Variants in RPSA2 observed in about 807,000 individuals in gnomAD.
RPSA2 encodes the protein small ribosomal subunit protein uS2B.
At chr19:23,786,426 C>T in the RPSA2 span, among the ~76,000 whole-genome samples, 1 of 152,048 alleles carries the variant, frequency 6.6e-6, no homozygotes, top group Non-Finnish European at 1.5e-5. Context: ...TCCAGCACCT[C>T]GGTGATTTGA....
At chr19:23,867,564 C>T in the RPSA2 span, among the ~76,000 whole-genome samples, 3 of 152,138 alleles carry the variant, frequency 2.0e-5, no homozygotes, top group Non-Finnish European at 4.4e-5. Context: ...GGTGCGGTGG[C>T]TCACGCCTGT....
At chr19:23,774,929 T>C in the RPSA2 span, among the ~76,000 whole-genome samples, 1 of 152,312 alleles carries the variant, frequency 6.6e-6, no homozygotes, top group South Asian at 2.1e-4. Context: ...TCCTGCTCAC[T>C]CCCTATCCAC....
At chr19:23,810,743 G>C in the RPSA2 span, among the ~76,000 whole-genome samples, 2 of 152,150 alleles carry the variant, frequency 1.3e-5, no homozygotes, top group Non-Finnish European at 2.9e-5. Flanking sequence ...AGCTATAAAT[G>C]GGTGTCTTCC....
chr19:23,842,638 T>A, the RPSA2 span: 1 of 153,548 alleles, frequency 6.5e-6, no homozygotes, highest in African/African-American at 2.4e-5. Context: ...TGTATAGAGA[T>A]GTAATGTTAG....
At chr19:23,844,427 TGTA>T in the RPSA2 span, among the ~76,000 whole-genome samples, 2 of 152,130 alleles carry the variant, frequency 1.3e-5, no homozygotes, top group African/African-American at 4.8e-5. Flanking sequence ...TGAATCAAAT[TGTA>T]GTTCTATTTT....
chr19:23,826,523 A>C, the RPSA2 span, among the ~76,000 whole-genome samples: 1 of 151,924 alleles, frequency 6.6e-6, no homozygotes, highest in Non-Finnish European at 1.5e-5. Flanking sequence ...GCGTTTTGCA[A>C]ACACCACTCT....
the RPSA2 span, among the ~76,000 whole-genome samples, chr19:23,841,216 A>G: frequency 3.4e-4 from 52 of 151,930 alleles, no homozygotes; most frequent in Non-Finnish European, 4.9e-4. Flanking sequence ...AAAAAACTGT[A>G]TTATTTGGGA....
the RPSA2 span, among the ~76,000 whole-genome samples, chr19:23,766,419 T>G: frequency 2.0e-5 from 3 of 151,166 alleles, no homozygotes; most frequent in Non-Finnish European, 4.4e-5. Flanking sequence ...TGAACAAGTG[T>G]GTAAACAGTT....
chr19:23,866,918 C>A, the RPSA2 span, among the ~76,000 whole-genome samples: 1 of 152,084 alleles, frequency 6.6e-6, no homozygotes, highest in Admixed American at 6.5e-5. Context: ...ACTGTAGTCC[C>A]CAGAGTAGTT....
the RPSA2 span, among the ~76,000 whole-genome samples, chr19:23,775,008 G>A: frequency 2.0e-5 from 3 of 152,096 alleles, no homozygotes; most frequent in Admixed American, 1.3e-4. Flanking sequence ...TCAAAAATCA[G>A]CCAATAAGAG....
At chr19:23,824,580 C>CTTTCTTTTTTTTCT in the RPSA2 span, among the ~76,000 whole-genome samples, 2 of 63,822 alleles carry the variant, frequency 3.1e-5, 1 homozygote, top group Non-Finnish European at 5.6e-5. Context: ...TATAGCATTT[C>CTTTCTTTTTTTTCT]TTTTTTTTTT....
the RPSA2 span, among the ~76,000 whole-genome samples, chr19:23,821,773 G>T: frequency 2.0e-4 from 30 of 152,256 alleles, no homozygotes; most frequent in South Asian, 1.9e-3. Flanking sequence ...CTCTTGGCTC[G>T]CTGTTCAACT....
the RPSA2 span, chr19:23,832,862 G>A: frequency 1.9e-6 from 3 of 1,577,438 alleles, no homozygotes; most frequent in East Asian, 7.0e-5. Flanking sequence ...ACACATAAGA[G>A]AATTCATACT....
At chr19:23,827,017 A>G in the RPSA2 span, 4 of 661,400 alleles carry the variant, frequency 6.0e-6, no homozygotes, top group Admixed American at 2.2e-5. Flanking sequence ...AATTATATCT[A>G]CTGAATGATT....
chr19:23,789,521 C>G, the RPSA2 span, among the ~76,000 whole-genome samples: 1 of 152,142 alleles, frequency 6.6e-6, no homozygotes, highest in Non-Finnish European at 1.5e-5. Context: ...TATGATGATT[C>G]TCACACCTTG....
chr19:23,818,201 C>T, the RPSA2 span: 1 of 152,118 alleles, frequency 6.6e-6, no homozygotes, highest in African/African-American at 2.4e-5. Flanking sequence ...TAGTAGTTTG[C>T]CTGGTTACAA....
chr19:23,857,933 T>C, the RPSA2 span, among the ~76,000 whole-genome samples: 1 of 152,162 alleles, frequency 6.6e-6, no homozygotes, highest in Non-Finnish European at 1.5e-5. Context: ...TACTGATTTC[T>C]GCACATCTGG....
chr19:23,761,264 G>A, the RPSA2 span, among the ~76,000 whole-genome samples: 1 of 151,896 alleles, frequency 6.6e-6, no homozygotes, highest in Non-Finnish European at 1.5e-5. Flanking sequence ...AATTTTTGTA[G>A]AGACTGAGTC....
chr19:23,789,019 CTTTCT>C, the RPSA2 span, among the ~76,000 whole-genome samples: 34 of 112,624 alleles, frequency 3.0e-4, 1 homozygote, highest in East Asian at 1.8e-3. Flanking sequence ...TTTTTTCTTT[CTTTCT>C]TTTTTTTTTT....
Sources: gnomAD v4.1 joint callset for allele counts (sites outside exome capture counted in the v4.1 genomes callset) on GRCh38, gnomAD v4.1.1 for gene constraint, MANE v1.5 for transcripts, NCBI Gene and HGNC (gene_info 2026-07-23, HGNC 2026-07-21) for gene names.